Variants in RBL2 observed in about 807,000 individuals in gnomAD.
RBL2 encodes RB transcriptional corepressor like 2.
RBL2 carries 56 observed loss-of-function variants against 126.0 expected under a neutral mutation model. That is an observed-to-expected ratio of 0.44 (90% CI 0.36 to 0.56). The LOEUF (loss-of-function observed/expected upper bound fraction) is 0.56. RBL2 is among the 20% of genes least tolerant of loss of function. The probability of loss-of-function intolerance (pLI) is 0.00; values close to 1 mark genes in which losing one functional copy is unlikely to be tolerated. For synonymous variants in RBL2, 454 were observed against 478.5 expected (o/e 0.95, Z 0.67); for missense variants, 1,229 against 1,398.2 (o/e 0.88, Z 1.93).
chr16:53,438,906 G>T (rs936467702), intron 1 of RBL2, 110 bp from the exon 2 acceptor site: 42 of 285,944 alleles, frequency 1.5e-4, no homozygotes, highest in Middle Eastern at 1.3e-3. Context: ...TTGAAACTAA[G>T]TTTCCCACAA....
intron 12 of RBL2, 72 bp from the exon 13 acceptor site, chr16:53,465,366 G>T (rs922724093): frequency 9.5e-7 from 1 of 1,047,288 alleles, no homozygotes; most frequent in South Asian, 3.9e-5. Flanking sequence ...TTGTAATTTT[G>T]ACTAATTTCT....
chr16:53,455,903 C>G (rs1054216350), intron 8 of RBL2, among the ~76,000 whole-genome samples: 6 of 152,114 alleles, frequency 3.9e-5, no homozygotes, highest in Non-Finnish European at 8.8e-5. Flanking sequence ...GGTGTGATGG[C>G]TCATACTTGT....
chr16:53,435,624 TCAG>T (rs1598081985), intron 1 of RBL2: 12 of 1,279,270 alleles, frequency 9.4e-6, no homozygotes, highest in Non-Finnish European at 1.2e-5. Context: ...GGATTGTTTA[TCAG>T]CTGTTTGACT....
chr16:53,435,840 A>G (rs1011896877), intron 1 of RBL2: 1 of 1,099,592 alleles, frequency 9.1e-7, no homozygotes, highest in African/African-American at 1.6e-5. Context: ...TTCAATTACT[A>G]GTTCCCTCTT....
intron 12 of RBL2, chr16:53,464,781 T>C (rs998203173): frequency 1.8e-4 from 28 of 153,288 alleles, no homozygotes; most frequent in Admixed American, 8.5e-4. Flanking sequence ...AGTTAAAGCA[T>C]TGATTTGGTA....
intron 17 of RBL2, among the ~76,000 whole-genome samples, chr16:53,478,396 T>G (rs1374075096): frequency 2.0e-5 from 3 of 152,168 alleles, no homozygotes; most frequent in Non-Finnish European, 4.4e-5. Context: ...TTTGAACATT[T>G]TTTTCTGCTT....
rs530936833 is a variant in RBL2, at chr16:53,442,557, TATA to T, written c.372-98_372-96del. On this transcript the variant is annotated intron_variant, in intron 2 of 21. Transcript: ENST00000262133. Reference sequence around the variant, plus strand: ...ATTTTATTTCACTGTCTAAAAGTAATATAATTTAATGCGATAATATTGATTTAC... The same window carrying T: ...ATTTTATTTCACTGTCTAAAAGTAATATTTAATGCGATAATATTGATTTAC... 15 of 863,828 alleles carry T rather than the reference TATA, an allele frequency of 1.7e-5. 1 individual carries two copies. In the South Asian group the frequency reaches 2.5e-4, roughly 14 times the overall value. The allele number at this position is 863,828 out of a possible 1,614,324, so 53.5% of individuals were successfully genotyped here.
At chr16:53,435,745 GTAT>G in intron 1 of RBL2, 1 of 1,287,070 alleles carries the variant, frequency 7.8e-7, no homozygotes, top group South Asian at 1.2e-5. Flanking sequence ...CCTAACCAAG[GTAT>G]TATTTAAATA....
At chr16:53,479,347 G>A in intron 18 of RBL2, 122 bp downstream of exon 18, 1 of 772,268 alleles carries the variant, frequency 1.3e-6, no homozygotes, top group Non-Finnish European at 2.1e-6. Context: ...CTCTACTTAA[G>A]GGAAGTTTCT....
intron 1 of RBL2, 56 bp downstream of exon 1, chr16:53,434,852 C>A: frequency 2.1e-6 from 3 of 1,418,752 alleles, no homozygotes; most frequent in Non-Finnish European, 2.8e-6. Context: ...CCGGTGCCTT[C>A]CGAGCCGCGT....
intron 9 of RBL2, 138 bp from the exon 10 acceptor site, chr16:53,461,603 C>G (rs2058221843): frequency 4.1e-6 from 2 of 486,650 alleles, no homozygotes; most frequent in Non-Finnish European, 3.4e-6. Context: ...TATGGGATCT[C>G]TTGGATTAAT....
intron 17 of RBL2, among the ~76,000 whole-genome samples, chr16:53,471,287 A>C (rs1192499455): frequency 1.3e-5 from 2 of 152,316 alleles, no homozygotes; most frequent in East Asian, 1.9e-4. Context: ...TGGGTCATAC[A>C]TTAACTGTGT....
In RBL2 at chr16:53,453,725, A is replaced by C. The variant is rs2058138482; in HGVS notation, c.948A>C (p.Glu316Asp). 6.2e-7 allele frequency: 1 copy of C among 1,611,550 alleles called. No homozygotes were observed. Among genetic ancestry groups the C allele is most frequent in the Non-Finnish European group, 8.5e-7 (1 of 1,179,042 alleles). Reference protein sequence around the residue: ...YEKKLLKGKEENLTGFLEPGN... With the variant: ...YEKKLLKGKEDNLTGFLEPGN... ...CATAGCTCCTTAAGGGAAAAGAAGAAAATCTCACTGGGTTTCTAGAACCTG... is the reference window on the plus strand; with the variant it reads ...CATAGCTCCTTAAGGGAAAAGAAGACAATCTCACTGGGTTTCTAGAACCTG... Residue 316 changes from glutamate to aspartate, a missense_variant, in exon 7 of 22, where the codon GAA (glutamate) becomes GAC (aspartate). This residue lies in a region of RBL2 where 1,070 missense variants were observed against 1,274.3 expected (regional missense o/e 0.84). Transcript: ENST00000262133.
At chr16:53,453,399 A>C (rs943398144) in intron 5 of RBL2, 53 bp from the exon 6 acceptor site, 1 of 1,498,068 alleles carries the variant, frequency 6.7e-7, no homozygotes, top group Non-Finnish European at 9.2e-7. Flanking sequence ...AGTTTATTAC[A>C]AATTGGCTTA....
Position 53,467,630 on chromosome 16 carries a change from C to T in RBL2, c.1975+461C>T, listed in dbSNP as rs76060198. Among the ~76,000 whole-genome samples the T allele has an allele frequency of 6.4e-3, 968 of 152,296 alleles. 7 individuals are homozygous for T. The highest frequency in any genetic ancestry group is 0.041 in the Middle Eastern group (12 of 294). Reference sequence around the variant, plus strand: ...CTTGAACTCCTGACCTCAAGTGATCCGCCTACCTCGTTCTCCCAAAGTGCT... The same window carrying T: ...CTTGAACTCCTGACCTCAAGTGATCTGCCTACCTCGTTCTCCCAAAGTGCT... On this transcript the variant is annotated intron_variant, in intron 14 of 21. Transcript: ENST00000262133.
At chr16:53,470,256 C>T in intron 15 of RBL2, 71 bp downstream of exon 15, 1 of 1,561,316 alleles carries the variant, frequency 6.4e-7, no homozygotes, top group Non-Finnish European at 8.7e-7. Flanking sequence ...CGAGGTTTGG[C>T]TAGAGTGACA....
chr16:53,479,830 C>A, intron 18 of RBL2, 56 bp from the exon 19 acceptor site: 1 of 1,220,644 alleles, frequency 8.2e-7, no homozygotes, highest in Non-Finnish European at 1.2e-6. Context: ...GTCCTATCAC[C>A]AAGGGTGTGC....
chr16:53,462,100 G>A (rs2058227317), intron 10 of RBL2, among the ~76,000 whole-genome samples: 1 of 151,818 alleles, frequency 6.6e-6, no homozygotes, highest in South Asian at 2.1e-4. Flanking sequence ...GGTTTTTTTT[G>A]TAAACTGGAA....
intron 18 of RBL2, chr16:53,479,492 A>G (rs1960860727): frequency 9.6e-6 from 5 of 518,546 alleles, no homozygotes; most frequent in East Asian, 3.2e-5. Flanking sequence ...CTTGGTTTCT[A>G]TGTCACCTTT....
Sources: gnomAD v4.1 joint callset for allele counts (sites outside exome capture counted in the v4.1 genomes callset) on GRCh38, gnomAD v4.1.1 for gene constraint, gnomAD v4.1.1 regional missense constraint, MANE v1.5 for transcripts, NCBI Gene and HGNC (gene_info 2026-07-23, HGNC 2026-07-21) for gene names.